The following GSTA2 variants were observed in gnomAD, a reference collection of about 807,000 sequenced individuals.
GSTA2 encodes the protein glutathione S-transferase alpha 2, also known as glutathione S-transferase A2.
A neutral mutation model predicts 22.4 loss-of-function variants in GSTA2; 27 were observed. The ratio of observed to expected loss-of-function variants is 1.21; its 90% CI spans 0.89 to 1.67. The LOEUF is 1.67. GSTA2 is among the 40% of genes most tolerant of loss of function. The pLI is 0.00. For missense variants in GSTA2, 302 were observed against 260.2 expected (o/e 1.16, Z -1.11); for synonymous variants, 121 against 86.8 (o/e 1.39, Z -2.19).
chr6:52,756,131 C>A lies in GSTA2; in HGVS notation c.139+127G>T, dbSNP rs573259416. ...GGAGCCACATCCCTTCCATTTTAAC[C>A]ACTTTCTCCCTCTGCACCATGTACA... On this transcript the variant is annotated intron_variant, in intron 3 of 6. Transcript: ENST00000493422. 4.0e-5 allele frequency: 24 copies of A among 607,400 alleles called. 1 individual carries two copies. In the South Asian group the frequency reaches 4.7e-4, roughly 12 times the overall value. The allele number at this position is 607,400 out of a possible 1,614,324, so 37.6% of individuals were successfully genotyped here.
intron 5 of GSTA2, among the ~76,000 whole-genome samples, chr6:52,752,430 C>A (rs938574212): frequency 2.6e-5 from 4 of 152,156 alleles, no homozygotes; most frequent in African/African-American, 9.7e-5. Context: ...CTGCAATATT[C>A]TCTGGTTGGG....
chr6:52,758,153 C>G (rs1357240203), intron 1 of GSTA2, among the ~76,000 whole-genome samples, 176 bp from the exon 2 acceptor site: 1 of 152,142 alleles, frequency 6.6e-6, no homozygotes, highest in Non-Finnish European at 1.5e-5. Flanking sequence ...CCAGCAGTGG[C>G]CACCCTCAGA....
rs1233299981 is a variant in GSTA2, at chr6:52,751,598, A to G, written c.525T>C (p.Ile175=). Residue 175 remains isoleucine, a synonymous_variant, in exon 6 of 7, where the codon ATT becomes ATC. Transcript: ENST00000493422. The part of the protein sequence containing the change: ...YYVEELDSSL[I]SSFPLLKALK... ...TCACCTTCAGCAGAGGGAAGCTGGAAATAAGGCTAGAGTCAAGCTCTTCCA... is the reference window on the plus strand; with the variant it reads ...TCACCTTCAGCAGAGGGAAGCTGGAGATAAGGCTAGAGTCAAGCTCTTCCA... The G allele has an allele frequency of 1.2e-6, 2 of 1,614,086 alleles. No homozygotes were observed. Among genetic ancestry groups the G allele is most frequent in the South Asian group, 1.1e-5 (1 of 91,080 alleles).
intron 5 of GSTA2, among the ~76,000 whole-genome samples, 177 bp from the exon 6 acceptor site, chr6:52,751,885 G>C (rs968250116): frequency 1.1e-4 from 17 of 152,180 alleles, no homozygotes; most frequent in Non-Finnish European, 2.5e-4. Flanking sequence ...AAGTGTAACT[G>C]TACTCACTCC....
chr6:52,757,210 G>C (rs1762860428), intron 2 of GSTA2, among the ~76,000 whole-genome samples: 1 of 98,942 alleles, frequency 1.0e-5, no homozygotes, highest in Non-Finnish European at 2.0e-5. Context: ...TTTGTAGTTT[G>C]CATTTTACCT....
intron 1 of GSTA2, among the ~76,000 whole-genome samples, chr6:52,762,740 T>C (rs1332425191): frequency 6.6e-6 from 1 of 152,196 alleles, no homozygotes; most frequent in Non-Finnish European, 1.5e-5. Context: ...CTTTTCTCAG[T>C]CTCTCATCCC....
chr6:52,756,497 C>G (rs1762848502), intron 2 of GSTA2, among the ~76,000 whole-genome samples, 188 bp from the exon 3 acceptor site: 1 of 152,146 alleles, frequency 6.6e-6, no homozygotes, highest in East Asian at 1.9e-4. Flanking sequence ...GTGCATGGGT[C>G]ACAGCACATA....
intron 3 of GSTA2, 68 bp from the exon 4 acceptor site, chr6:52,755,143 A>T (rs1270486928): frequency 4.9e-5 from 78 of 1,584,806 alleles, no homozygotes; most frequent in Non-Finnish European, 6.5e-5. Context: ...ATGAAAAAAA[A>T]TGGTTGTTGA....
Position 52,751,569 on chromosome 6 carries a change from T to G in GSTA2, c.546+8A>C. 1.2e-6 allele frequency: 2 copies of G among 1,613,844 alleles called. No homozygotes were observed. Among genetic ancestry groups the G allele is most frequent in the Non-Finnish European group, 1.7e-6 (2 of 1,179,894 alleles). On this transcript the variant is annotated splice_region_variant and intron_variant, in intron 6 of 6. Coordinates refer to ENST00000493422, the MANE Select transcript of GSTA2 (RefSeq NM_000846.5). ...GTCTGCCTCTCTGAAGACTGTGAAA[T>G]GGGTCACCTTCAGCAGAGGGAAGCT... is the stretch of plus-strand genomic sequence containing the variant.
rs751999960 is a variant in GSTA2, at chr6:52,754,999, G to A, written c.216C>T (p.Leu72=). Residue 72 remains leucine, a synonymous_variant, in exon 4 of 7, where the codon CTC becomes CTT. Coordinates refer to ENST00000493422, the MANE Select transcript of GSTA2 (RefSeq NM_000846.5). ...GMKLVQTRAI[L]NYIASKYNLY... is the part of the protein sequence containing the mutation. ...GGTTGTATTTGCTGGCAATGTAGTT[G>A]AGAATGGCTCTGGTCTGCACCAGCT... The A allele has an allele frequency of 9.9e-6, 16 of 1,613,940 alleles. No homozygotes were observed. The highest frequency in any genetic ancestry group is 6.7e-5 in the African/African-American group (5 of 74,882).
At chr6:52,753,853 C>T (rs1014658125) in intron 4 of GSTA2, among the ~76,000 whole-genome samples, 1 of 152,178 alleles carries the variant, frequency 6.6e-6, no homozygotes, top group African/African-American at 2.4e-5. Flanking sequence ...GACATCTGTA[C>T]CATTAGCGGT....
At chr6:52,753,442 G>GC (rs1385356892) in intron 4 of GSTA2, among the ~76,000 whole-genome samples, 1 of 152,178 alleles carries the variant, frequency 6.6e-6, no homozygotes, top group Non-Finnish European at 1.5e-5. Context: ...CCCTGGCACA[G>GC]CCATCTCAGC....
intron 1 of GSTA2, among the ~76,000 whole-genome samples, chr6:52,760,370 A>G (rs778137659): frequency 7.9e-5 from 12 of 152,214 alleles, no homozygotes; most frequent in Admixed American, 2.0e-4. Flanking sequence ...AGACTGAGAC[A>G]TAAGTTACCA....
intron 1 of GSTA2, among the ~76,000 whole-genome samples, chr6:52,762,784 C>G (rs1762973902): frequency 6.6e-6 from 1 of 152,210 alleles, no homozygotes; most frequent in Non-Finnish European, 1.5e-5. Flanking sequence ...TGTGGAGGGG[C>G]AGGCCACCCC....
intron 1 of GSTA2, among the ~76,000 whole-genome samples, chr6:52,761,082 T>A (rs1762942350): frequency 6.6e-6 from 1 of 152,130 alleles, no homozygotes; most frequent in Non-Finnish European, 1.5e-5. Context: ...AGTAGGTTGT[T>A]TAATCTCTGA....
intron 1 of GSTA2, among the ~76,000 whole-genome samples, chr6:52,759,194 G>A (rs908863912): frequency 6.6e-6 from 1 of 151,526 alleles, no homozygotes; most frequent in Non-Finnish European, 1.5e-5. Flanking sequence ...TGTATACTGT[G>A]TGTATGGATC....
chr6:52,761,170 G>A (rs1311102786), intron 1 of GSTA2, among the ~76,000 whole-genome samples: 4 of 152,136 alleles, frequency 2.6e-5, no homozygotes, highest in Non-Finnish European at 5.9e-5. Context: ...ATGAGATAAT[G>A]TAGAAAAAAA....
intron 1 of GSTA2, among the ~76,000 whole-genome samples, chr6:52,759,843 C>T (rs1229097862): frequency 6.6e-6 from 1 of 151,998 alleles, no homozygotes; most frequent in Non-Finnish European, 1.5e-5. Flanking sequence ...TTCAGCCTCC[C>T]AAAGTGCTGG....
Position 52,756,252 on chromosome 6 carries a change from T to C in GSTA2, c.139+6A>G, listed in dbSNP as rs373083922. The C allele has an allele frequency of 9.4e-6, 15 of 1,599,270 alleles. No homozygotes were observed. The highest frequency in any genetic ancestry group is 1.3e-5 in the Non-Finnish European group (15 of 1,166,886). On this transcript the variant is annotated splice_donor_region_variant and intron_variant, in intron 3 of 6. Transcript: ENST00000493422. ...CTCATTAGAGAAACTTAGAGGTTGA[T>C]CTTACCATTTCTTAACTTGTCCAAA...
Sources: gnomAD v4.1 joint callset for allele counts (sites outside exome capture counted in the v4.1 genomes callset) on GRCh38, gnomAD v4.1.1 for gene constraint, MANE v1.5 for transcripts, NCBI Gene and HGNC (gene_info 2026-07-23, HGNC 2026-07-21) for gene names.